The following KCNJ6 variants were observed in gnomAD, a reference collection of about 807,000 sequenced individuals.
The protein encoded by KCNJ6 is G protein-activated inward rectifier potassium channel 2.
KCNJ6 carries 9 observed loss-of-function variants against 34.2 expected under a neutral mutation model. The observed-to-expected ratio is 0.26, with a 90% confidence interval of 0.16 to 0.46. The LOEUF (loss-of-function observed/expected upper bound fraction) is 0.46, where lower values mean the gene tolerates loss of function less well. Among genes scored for constraint, KCNJ6 ranks in the 20% least tolerant of loss-of-function variants. The probability of loss-of-function intolerance (pLI) is 1.00; values close to 1 mark genes in which losing one functional copy is unlikely to be tolerated. For missense variants in KCNJ6, 236 were observed against 531.3 expected, an observed-to-expected ratio of 0.44 and a Z score of 5.46; for synonymous variants, 196 against 207.1, an observed-to-expected ratio of 0.95 and a Z score of 0.46.
At chr21:37,833,120 T>C (rs1351500418) in intron 2 of KCNJ6, among the ~76,000 whole-genome samples, 3 of 152,118 alleles carry the variant, frequency 2.0e-5, no homozygotes, top group Non-Finnish European at 4.4e-5. Context: ...GTTCAAGCAG[T>C]TCTCCTGCCT....
chr21:37,710,359 T>C (rs779685494), intron 3 of KCNJ6, among the ~76,000 whole-genome samples: 1 of 152,210 alleles, frequency 6.6e-6, no homozygotes, highest in Non-Finnish European at 1.5e-5. Context: ...GTGATTCTGG[T>C]GGGCAGCCAA....
At chr21:37,900,531 A>G in intron 1 of KCNJ6, among the ~76,000 whole-genome samples, 1 of 152,240 alleles carries the variant, frequency 6.6e-6, no homozygotes, top group East Asian at 1.9e-4. Flanking sequence ...GTGGCGTGTT[A>G]GAAGGTAACG....
intron 1 of KCNJ6, among the ~76,000 whole-genome samples, chr21:37,901,633 G>A (rs114952426): frequency 0.023 from 3,483 of 152,282 alleles, 136 homozygotes; most frequent in African/African-American, 0.077. Context: ...TTCAAGTTAG[G>A]ATTTCAAATT....
At chr21:37,640,576 TTTG>T (rs937518623) in intron 3 of KCNJ6, among the ~76,000 whole-genome samples, 67 of 152,360 alleles carry the variant, frequency 4.4e-4, no homozygotes, top group African/African-American at 1.5e-3. Flanking sequence ...CATCATATGT[TTTG>T]TTGTTTGTTG....
chr21:37,729,106 T>C (rs1034752511), intron 2 of KCNJ6, among the ~76,000 whole-genome samples: 4 of 151,920 alleles, frequency 2.6e-5, no homozygotes, highest in Admixed American at 2.6e-4. Flanking sequence ...TGGTGACAGC[T>C]TCTAAAGGGT....
At chr21:37,726,698 T>A (rs1291244103) in intron 2 of KCNJ6, among the ~76,000 whole-genome samples, 1 of 152,256 alleles carries the variant, frequency 6.6e-6, no homozygotes, top group African/African-American at 2.4e-5. Flanking sequence ...TTGCTTTCTC[T>A]TTTAATTCTT....
intron 3 of KCNJ6, among the ~76,000 whole-genome samples, chr21:37,707,572 T>C (rs1450619005): frequency 6.6e-6 from 1 of 151,982 alleles, no homozygotes; most frequent in African/African-American, 2.4e-5. Flanking sequence ...AACTGAGCTA[T>C]AGCCAGAGAA....
chr21:37,655,035 G>A (rs188120656), intron 3 of KCNJ6, among the ~76,000 whole-genome samples: 2 of 152,266 alleles, frequency 1.3e-5, no homozygotes, highest in African/African-American at 4.8e-5. Context: ...GAGGTGGACC[G>A]AGACAGAGGC....
chr21:37,655,620 AT>A (rs1285609349), intron 3 of KCNJ6, among the ~76,000 whole-genome samples: 1 of 152,202 alleles, frequency 6.6e-6, no homozygotes, highest in Non-Finnish European at 1.5e-5. Flanking sequence ...GAAAAGTCCT[AT>A]TTAAGTATAA....
At chr21:37,772,256 C>T (rs562389403) in intron 2 of KCNJ6, among the ~76,000 whole-genome samples, 8 of 152,252 alleles carry the variant, frequency 5.3e-5, no homozygotes, top group Non-Finnish European at 7.4e-5. Context: ...AAACAGAGCA[C>T]GCCGAGACAA....
chr21:37,671,559 T>C, intron 3 of KCNJ6, among the ~76,000 whole-genome samples: 1 of 152,234 alleles, frequency 6.6e-6, no homozygotes, highest in East Asian at 1.9e-4. Flanking sequence ...CAGGATGGGG[T>C]TGCGGGAACT....
intron 2 of KCNJ6, among the ~76,000 whole-genome samples, chr21:37,721,316 A>G (rs1018001256): frequency 2.0e-4 from 31 of 152,264 alleles, no homozygotes; most frequent in African/African-American, 7.2e-4. Flanking sequence ...ATGCTGGTAT[A>G]TCACTGGTGG....
chr21:37,833,851 A>G (rs970817546), intron 2 of KCNJ6, among the ~76,000 whole-genome samples: 1 of 152,188 alleles, frequency 6.6e-6, no homozygotes, highest in African/African-American at 2.4e-5. Context: ...GCCTGTGCCT[A>G]ACAATGGAAA....
intron 2 of KCNJ6, among the ~76,000 whole-genome samples, chr21:37,825,611 T>A (rs2055395291): frequency 6.6e-6 from 1 of 152,192 alleles, no homozygotes; most frequent in African/African-American, 2.4e-5. Context: ...CATACTGTGC[T>A]TTCCTGCCTC....
intron 1 of KCNJ6, among the ~76,000 whole-genome samples, chr21:37,910,126 A>G (rs978140132): frequency 6.6e-6 from 1 of 152,204 alleles, no homozygotes; most frequent in Non-Finnish European, 1.5e-5. Flanking sequence ...GAGCAGAGCC[A>G]CAGCTGACCA....
At chr21:37,625,788 T>C (rs2054308074) in intron 3 of KCNJ6, among the ~76,000 whole-genome samples, 1 of 152,250 alleles carries the variant, frequency 6.6e-6, no homozygotes, top group East Asian at 1.9e-4. Flanking sequence ...TTTTCGCATG[T>C]GCATGGCTAT....
chr21:37,903,278 T>C (rs112830550), intron 1 of KCNJ6, among the ~76,000 whole-genome samples: 7,155 of 152,254 alleles, frequency 0.047, 241 homozygotes, highest in Non-Finnish European at 0.065. Context: ...TGAATAAGTC[T>C]CATGAGATCT....
intron 1 of KCNJ6, among the ~76,000 whole-genome samples, chr21:37,853,851 T>TATATATATATATATATAC (rs2055550482): frequency 7.1e-6 from 1 of 141,544 alleles, no homozygotes; most frequent in Non-Finnish European, 1.5e-5. Context: ...TATATGTATA[T>TATATATATATATATATAC]ATATATATAT....
intron 3 of KCNJ6, among the ~76,000 whole-genome samples, chr21:37,655,219 GTGTGTGAGAGAGA>G (rs2054455375): frequency 1.1e-4 from 10 of 91,612 alleles, no homozygotes; most frequent in African/African-American, 3.4e-4. Context: ...GTGTGTGTGT[GTGTGTGAGAGAGA>G]GAGAGAGAGA....
Sources: gnomAD v4.1 joint callset for allele counts (sites outside exome capture counted in the v4.1 genomes callset) on GRCh38, gnomAD v4.1.1 for gene constraint, MANE v1.5 for transcripts, NCBI Gene and HGNC (gene_info 2026-07-23, HGNC 2026-07-21) for gene names.